Variants in COL16A1 observed in about 807,000 individuals in gnomAD.
COL16A1 encodes collagen type XVI alpha 1 chain.
COL16A1 carries 189 observed loss-of-function variants against 266.3 expected under a neutral mutation model. The ratio of observed to expected loss-of-function variants is 0.71; its 90% CI spans 0.63 to 0.80. COL16A1 has a LOEUF of 0.80. COL16A1 is among the 30% of genes least tolerant of loss of function. The pLI is 0.00. For synonymous variants in COL16A1, 740 were observed against 782.3 expected (o/e 0.95, Z 0.90); for missense variants, 1,928 against 2,122.4 (o/e 0.91, Z 1.80).
intron 1 of COL16A1, among the ~76,000 whole-genome samples, chr1:31,702,873 C>T (rs1644770846): frequency 6.6e-6 from 1 of 152,076 alleles, no homozygotes; most frequent in Non-Finnish European, 1.5e-5. Context: ...CCAGCCACCC[C>T]CGCCCCCAGC....
At position 31,698,224 on chromosome 1, in the gene COL16A1, C is replaced by A. The variant is rs780565872; in HGVS notation, c.391-52G>T. 1.9e-6 allele frequency: 3 copies of A among 1,601,588 alleles called. No homozygotes were observed. Among genetic ancestry groups the A allele is most frequent in the Non-Finnish European group, 2.6e-6 (3 of 1,173,306 alleles). ...ACAGAGATTCAGAGCTCCAGAGTCACACCATGGGCACGTTCAGGGACCTTG... is the reference window on the plus strand; with the variant it reads ...ACAGAGATTCAGAGCTCCAGAGTCAAACCATGGGCACGTTCAGGGACCTTG... On this transcript the variant is annotated intron_variant, in intron 5 of 70. Coordinates refer to ENST00000373672, the MANE Select transcript of COL16A1 (RefSeq NM_001856.4). The surrounding 1 kb of genome is among the most constrained non-coding windows in gnomAD (Gnocchi z 4.1).
At position 31,689,112 on chromosome 1, in the gene COL16A1, G is replaced by A. The variant is rs532175742; in HGVS notation, c.1621-27C>T. On this transcript the variant is annotated intron_variant, in intron 23 of 70. Coordinates refer to ENST00000373672, the MANE Select transcript of COL16A1 (RefSeq NM_001856.4). ...TGCAGGGTAAAAAGGTTTGTGGGCT[G>A]AGGCAGGGCACGATGGGGCACCCCC... 29 of 1,613,302 alleles carry A rather than the reference G, an allele frequency of 1.8e-5. No homozygotes were observed. In the South Asian group the frequency reaches 3.1e-4, roughly 17 times the overall value.
In COL16A1 at chr1:31,676,988, C is replaced by T. The variant is rs377326011; in HGVS notation, c.2773-1677G>A. Among the ~76,000 whole-genome samples the T allele has an allele frequency of 6.6e-5, 10 of 152,382 alleles. No individual in the cohort carries two copies. In the South Asian group the frequency reaches 2.1e-3, roughly 32 times the overall value. ...CTGGGTCAGACCCGGAGCCAGCCAC[C>T]ATCCAGGCCCCCTGGCACCTCTGTG... On this transcript the variant is annotated intron_variant, in intron 42 of 70. Transcript: ENST00000373672.
intron 44 of COL16A1, 180 bp from the exon 45 acceptor site, chr1:31,673,020 C>G (rs1642869485): frequency 1.5e-6 from 1 of 684,104 alleles, no homozygotes; most frequent in Non-Finnish European, 2.7e-6. Flanking sequence ...CTCGGGGGAC[C>G]CACTCCCAAC....
At position 31,691,628 on chromosome 1, in the gene COL16A1, C is replaced by T. The variant is rs754435285; in HGVS notation, c.1272G>A (p.Glu424=). The T allele has an allele frequency of 1.7e-5, 27 of 1,613,624 alleles. No individual in the cohort carries two copies. The African/African-American group carries it at 3.3e-4, about 20-fold the overall frequency. ...GKPGRDGRPG[E]ICVIGPKGQK... is the part of the protein sequence containing the mutation. The stretch of plus-strand genomic sequence containing the variant: ...GCCCTTTGGGCCCAATGACACAGAT[C>T]TCTCCTGGCCGGCCCTGTGGGGGGA... Residue 424 remains glutamate (E), a synonymous_variant, in exon 18 of 71, where the codon GAG becomes GAA. Transcript: ENST00000373672.
chr1:31,700,859 A>G (rs992045555), intron 2 of COL16A1, among the ~76,000 whole-genome samples: 2 of 152,232 alleles, frequency 1.3e-5, no homozygotes, highest in African/African-American at 4.8e-5. Flanking sequence ...GGAAGGGCAT[A>G]TTAATGGGTT....
rs780576271 is a variant in COL16A1 at position 31,670,918 on chromosome 1, C to T, written c.3151-272G>A. Among the ~76,000 whole-genome samples the T allele has an allele frequency of 7.9e-5, 12 of 152,190 alleles. No homozygotes were observed. The highest frequency in any genetic ancestry group is 1.7e-4 in the African/African-American group (7 of 41,430). On this transcript the variant is annotated intron_variant, in intron 48 of 70. Transcript: ENST00000373672. The surrounding 1 kb of genome is among the most constrained non-coding windows in gnomAD (Gnocchi z 4.5). ...GTCTTCCGGAGTCTAACTGAAGATC[C>T]GGTTGCAGCAGAAGCCCATTTCTTT...
intron 13 of COL16A1, 114 bp downstream of exon 13, chr1:31,692,978 T>G: frequency 2.1e-6 from 2 of 962,120 alleles, no homozygotes. Context: ...CCTCCCGTGA[T>G]CTGGGCCAAG....
rs1461828877 is a variant in COL16A1 at position 31,689,066 on chromosome 1, C to T, written c.1640G>A (p.Gly547Asp). 3.1e-6 allele frequency: 5 copies of T among 1,613,908 alleles called. No individual in the cohort carries two copies. The highest frequency in any genetic ancestry group is 4.2e-6 in the Non-Finnish European group (5 of 1,180,014). The change falls in exon 24 of 71, where the codon GGC (glycine) becomes GAC (aspartate). Residue 547 changes from glycine (G) to aspartate (D), a missense_variant. Around this residue, in one of 2 missense-constraint regions of COL16A1, gnomAD observed 1,552 missense variants for 1,637.2 expected, o/e 0.95. Transcript: ENST00000373672. ...TTCCCTCACCTTCTCTCCTTTGATG[C>T]CTTGGATGCCAGGGTCTCCCTGCAG... is the stretch of plus-strand genomic sequence containing the variant. ...VPARGDPGIQ[G>D]IKGEKGEPCL...
Position 31,693,113 on chromosome 1 carries a change from G to A in COL16A1, c.1050C>T (p.Ser350=). 6.2e-7 allele frequency: 1 copy of A among 1,611,634 alleles called. No homozygotes were observed. Among genetic ancestry groups the A allele is most frequent in the South Asian group, 1.1e-5 (1 of 90,966 alleles). ...GERGLPGPPG[S]KGEKGARGND... ...TTACCCGTGCTCCCTTCTCTCCCTT[G>A]GAGCCTGGTGGACCAGGCAGGCCCC... The change falls in exon 13 of 71, where the codon TCC becomes TCT. Residue 350 remains serine (S), a synonymous_variant. Coordinates refer to ENST00000373672, the MANE Select transcript of COL16A1 (RefSeq NM_001856.4).
Position 31,682,946 on chromosome 1 carries a change from G to C in COL16A1, c.2526C>G (p.Val842=), listed in dbSNP as rs1557661323. Residue 842 remains valine, a synonymous_variant, in exon 37 of 71, where the codon GTC becomes GTG. Coordinates refer to ENST00000373672, the MANE Select transcript of COL16A1 (RefSeq NM_001856.4). ...TGPVGPPGAS[V]SGPPGRDGQQ... Reference sequence around the variant, plus strand: ...AGAGAAGACTTACCGGAGGCCCAGAGACACTGGCCCCAGGAGGTCCCACAG... The same window carrying C: ...AGAGAAGACTTACCGGAGGCCCAGACACACTGGCCCCAGGAGGTCCCACAG... The C allele has an allele frequency of 3.1e-6, 5 of 1,613,952 alleles. No homozygotes were observed. In the Admixed American group the frequency reaches 8.3e-5, roughly 27 times the overall value.
chr1:31,659,278 C>A (rs920801111), intron 62 of COL16A1, among the ~76,000 whole-genome samples: 2 of 152,176 alleles, frequency 1.3e-5, no homozygotes, highest in African/African-American at 4.8e-5. Context: ...GGGAGTTACT[C>A]CCTGGCCTAG....
At chr1:31,700,144 G>A (rs1412738382) in intron 2 of COL16A1, 29 bp from the exon 3 acceptor site, 2 of 1,611,106 alleles carry the variant, frequency 1.2e-6, no homozygotes. Flanking sequence ...GGGGGCATTA[G>A]GTGCGCTCAG....
At chr1:31,674,211 C>T (rs1642981859) in intron 44 of COL16A1, among the ~76,000 whole-genome samples, 1 of 152,146 alleles carries the variant, frequency 6.6e-6, no homozygotes, top group African/African-American at 2.4e-5. Context: ...TAGCCAGTGT[C>T]AGAAGAGGGT....
chr1:31,696,197 G>A, intron 8 of COL16A1, 56 bp from the exon 9 acceptor site: 1 of 1,539,330 alleles, frequency 6.5e-7, no homozygotes, highest in Non-Finnish European at 9.0e-7. Flanking sequence ...TGGGGTCCAG[G>A]CTGGAAAGGG....
chr1:31,690,629 C>T (rs1419900427), intron 20 of COL16A1, 56 bp from the exon 21 acceptor site: 25 of 1,594,104 alleles, frequency 1.6e-5, no homozygotes, highest in Middle Eastern at 1.9e-4. Flanking sequence ...AATCTCGGTG[C>T]GTTCCCCCTT....
At chr1:31,695,877 G>A (rs1570586074) in intron 9 of COL16A1, 90 bp from the exon 10 acceptor site, 1 of 1,249,546 alleles carries the variant, frequency 8.0e-7, no homozygotes. Flanking sequence ...ACCAACAGGA[G>A]TGGGCACTCT....
At position 31,655,345 on chromosome 1, in the gene COL16A1, C is replaced by T. The variant is rs1169500015; in HGVS notation, c.4259G>A (p.Ser1420Asn). The T allele has an allele frequency of 1.2e-6, 2 of 1,613,636 alleles. No homozygotes were observed. The highest frequency in any genetic ancestry group is 1.7e-6 in the Non-Finnish European group (2 of 1,179,858). The change falls in exon 67 of 71, where the codon AGC (serine) becomes AAC (asparagine). Residue 1420 changes from serine (S) to asparagine (N), a missense_variant. Ser to Asn is a conservative substitution (Grantham distance 46). Transcript: ENST00000373672. The stretch of plus-strand genomic sequence containing the variant: ...GCCAGGCACACCAGGCAAGCCAGGG[C>T]TCCCCGAAGGCCCCGGAGCTCCAGG... Reference protein sequence around the residue: ...GHPGAPGPSGSPGLPGVPGSM... With the variant: ...GHPGAPGPSGNPGLPGVPGSM...
Position 31,653,919 on chromosome 1 carries a change from C to A in COL16A1, c.4482G>T (p.Gly1494=), listed in dbSNP as rs1293325971. Residue 1494 remains glycine (G), a synonymous_variant, in exon 69 of 71, where the codon GGG becomes GGT. Transcript: ENST00000373672. Reference sequence around the variant, plus strand: ...CTTCTCTGCCAATCTGACCAGGGAGCCCAGGTGACCCTGGAGCACCTGGCC... The same window carrying A: ...CTTCTCTGCCAATCTGACCAGGGAGACCAGGTGACCCTGGAGCACCTGGCC... ...PGRPGAPGSP[G]LPGQIGREGR... The A allele has an allele frequency of 6.2e-7, 1 of 1,614,060 alleles. No individual in the cohort carries two copies. The highest frequency in any genetic ancestry group is 1.7e-5 in the Admixed American group (1 of 60,014).
Sources: gnomAD v4.1 joint callset for allele counts (sites outside exome capture counted in the v4.1 genomes callset) on GRCh38, gnomAD v4.1.1 for gene constraint, gnomAD v4.1.1 regional missense constraint, Gnocchi (gnomAD v3.1) non-coding constraint, MANE v1.5 for transcripts, NCBI Gene and HGNC (gene_info 2026-07-23, HGNC 2026-07-21) for gene names.